Variants in CPNE5 observed in about 807,000 individuals in gnomAD.
CPNE5 encodes copine-5.
CPNE5 carries 42 observed loss-of-function variants against 81.1 expected under a neutral mutation model. That is an observed-to-expected ratio of 0.52 (90% confidence interval 0.40 to 0.67). The LOEUF is 0.67. Ranked by LOEUF, CPNE5 falls within the 30% of genes least tolerant of loss-of-function variation. CPNE5 has a pLI of 0.00. For synonymous variants in CPNE5, 313 were observed against 321.5 expected, an observed-to-expected ratio of 0.97 and a Z score of 0.28; for missense variants, 612 against 815.5, an observed-to-expected ratio of 0.75 and a Z score of 3.04.
chr6:36,813,241 C>CT (rs1456571079), intron 3 of CPNE5, among the ~76,000 whole-genome samples: 5 of 152,316 alleles, frequency 3.3e-5, no homozygotes, highest in African/African-American at 1.2e-4. Context: ...GCTTAAAACC[C>CT]TTAAATAGGC....
At chr6:36,777,270 A>C (rs1767593360) in intron 9 of CPNE5, among the ~76,000 whole-genome samples, 2 of 148,124 alleles carry the variant, frequency 1.4e-5, no homozygotes, top group African/African-American at 2.5e-5. Flanking sequence ...CTTCCCCTGC[A>C]TTTCCACGGC....
At chr6:36,792,001 C>T (rs1266931589) in intron 8 of CPNE5, 32 bp downstream of exon 8, 1 of 1,602,842 alleles carries the variant, frequency 6.2e-7, no homozygotes, top group African/African-American at 1.3e-5. Flanking sequence ...CCACCCCAAC[C>T]ACGTCCTGTG....
Position 36,745,041 on chromosome 6 carries a change from T to C in CPNE5, c.1431+7A>G. 6.2e-7 allele frequency: 1 copy of C among 1,607,924 alleles called. No homozygotes were observed. Among genetic ancestry groups the C allele is most frequent in the South Asian group, 1.1e-5 (1 of 90,970 alleles). ...ACCGCCTCCCCCACCGCACACTCCTTGCTTACGTTGACAATGGCCTCCTTG... is the reference window on the plus strand; with the variant it reads ...ACCGCCTCCCCCACCGCACACTCCTCGCTTACGTTGACAATGGCCTCCTTG... On this transcript the variant is annotated splice_region_variant and intron_variant, in intron 18 of 20. Coordinates refer to ENST00000244751, the MANE Select transcript of CPNE5 (RefSeq NM_020939.2).
At chr6:36,830,843 C>T (rs192147599) in intron 1 of CPNE5, among the ~76,000 whole-genome samples, 1 of 152,204 alleles carries the variant, frequency 6.6e-6, no homozygotes, top group Non-Finnish European at 1.5e-5. Context: ...TTCCCTTATT[C>T]CCCCTCCTGT....
Position 36,778,974 on chromosome 6 carries a change from A to G in CPNE5, c.529-17T>C. 6.5e-7 allele frequency: 1 copy of G among 1,549,022 alleles called. No homozygotes were observed. The highest frequency in any genetic ancestry group is 8.9e-7 in the Non-Finnish European group (1 of 1,122,792). On this transcript the variant is annotated splice_polypyrimidine_tract_variant and intron_variant, in intron 8 of 20. Coordinates refer to ENST00000244751, the MANE Select transcript of CPNE5 (RefSeq NM_020939.2). ...GGCGACATCCTGGTGGGAGGGAGGG[A>G]GAACGGGGTGTGAGGCAGGAGAAAG...
intron 11 of CPNE5, among the ~76,000 whole-genome samples, chr6:36,764,585 G>A (rs541313097): frequency 6.5e-4 from 99 of 152,200 alleles, no homozygotes; most frequent in African/African-American, 2.1e-3. Flanking sequence ...TGGCTCAGCC[G>A]ACAAGTAGAA....
chr6:36,773,216 T>C (rs1272580851), intron 10 of CPNE5, among the ~76,000 whole-genome samples: 1 of 151,954 alleles, frequency 6.6e-6, no homozygotes, highest in Non-Finnish European at 1.5e-5. Flanking sequence ...CCTGTCGGAG[T>C]GGCCCAGAGG....
intron 1 of CPNE5, among the ~76,000 whole-genome samples, chr6:36,823,902 AGAG>A: frequency 6.6e-6 from 1 of 152,240 alleles, no homozygotes; most frequent in Admixed American, 6.5e-5. Flanking sequence ...AGTGGAGGGG[AGAG>A]GAGGGGAGGA....
chr6:36,746,082 A>G lies in CPNE5; in HGVS notation c.1200+314T>C. Reference sequence around the variant, plus strand: ...GACTCAGGGATACCCAACCCACACCACCTTGTTCACTTTTCTGGGGCCCTG... The same window carrying G: ...GACTCAGGGATACCCAACCCACACCGCCTTGTTCACTTTTCTGGGGCCCTG... On this transcript the variant is annotated intron_variant, in intron 16 of 20. Coordinates refer to ENST00000244751, the MANE Select transcript of CPNE5 (RefSeq NM_020939.2). The surrounding 1 kb of genome is among the most constrained non-coding windows in gnomAD (Gnocchi z 4.5). The G allele has an allele frequency of 1.2e-6, 1 of 807,260 alleles. No homozygotes were observed. Among genetic ancestry groups the G allele is most frequent in the Non-Finnish European group, 1.5e-6 (1 of 667,682 alleles). 50.0% of individuals were successfully genotyped at this position (807,260 alleles called of 1,614,324 possible). A position where few individuals can be genotyped will look rare whatever the true frequency, so the allele number is the denominator to read the frequency against.
At chr6:36,771,428 G>GCAT (rs1363796210) in intron 10 of CPNE5, among the ~76,000 whole-genome samples, 1 of 152,240 alleles carries the variant, frequency 6.6e-6, no homozygotes, top group East Asian at 1.9e-4. Context: ...AATGTGGCTA[G>GCAT]CATCAGCACC....
chr6:36,784,626 C>T (rs559878874), intron 8 of CPNE5, among the ~76,000 whole-genome samples: 10 of 152,274 alleles, frequency 6.6e-5, no homozygotes, highest in South Asian at 6.2e-4. Context: ...GCCTGAGAGT[C>T]GTGCTCTCTG....
intron 12 of CPNE5, among the ~76,000 whole-genome samples, chr6:36,762,271 TACAC>T (rs1294685726): frequency 2.1e-5 from 3 of 140,938 alleles, no homozygotes; most frequent in African/African-American, 8.0e-5. Flanking sequence ...TGCACACGCA[TACAC>T]ACACACGCAC....
chr6:36,818,045 C>T (rs561916632), intron 3 of CPNE5, among the ~76,000 whole-genome samples: 180 of 152,244 alleles, frequency 1.2e-3, no homozygotes, highest in Non-Finnish European at 2.3e-3. Flanking sequence ...ACCTGAAACC[C>T]AGCTCAACTC....
Position 36,800,025 on chromosome 6 carries a change from C to T in CPNE5, c.229G>A (p.Val77Met), listed in dbSNP as rs143066740. 132 of 1,614,088 alleles carry T rather than the reference C, an allele frequency of 8.2e-5. No homozygotes were observed. The highest frequency in any genetic ancestry group is 5.7e-4 in the Admixed American group (34 of 60,012). ...AAGTAATCCACAATGAACTTGCGCA[C>T]GAAGTCAGGATTGAGCGTGTTGTCG... ...VIDNTLNPDF[V>M]RKFIVDYFFE... The change falls in exon 4 of 21, where the codon GTG becomes ATG. Residue 77 changes from valine (V) to methionine (M), a missense_variant. Transcript: ENST00000244751.
chr6:36,829,741 A>G (rs1772816812), intron 1 of CPNE5, among the ~76,000 whole-genome samples: 1 of 144,112 alleles, frequency 6.9e-6, no homozygotes, highest in African/African-American at 2.6e-5. Context: ...TGAACCCGGG[A>G]AGCAGAGGTT....
chr6:36,819,656 T>G (rs1000453036), intron 3 of CPNE5, among the ~76,000 whole-genome samples: 56 of 152,356 alleles, frequency 3.7e-4, no homozygotes, highest in African/African-American at 1.3e-3. Flanking sequence ...CTCCTCACCC[T>G]CAGGCTCTTG....
intron 1 of CPNE5, among the ~76,000 whole-genome samples, chr6:36,823,640 C>T (rs1227588652): frequency 3.3e-5 from 5 of 152,170 alleles, no homozygotes; most frequent in African/African-American, 1.2e-4. Context: ...AAGACCAGGG[C>T]TAACACATGG....
At chr6:36,798,613 T>G in intron 4 of CPNE5, 119 bp from the exon 5 acceptor site, 1 of 814,502 alleles carries the variant, frequency 1.2e-6, no homozygotes, top group South Asian at 1.4e-5. Flanking sequence ...ACACAGTGAA[T>G]ATTTCTAGGA....
chr6:36,788,604 C>T lies in CPNE5; in HGVS notation c.528+3429G>A, dbSNP rs865776358. Among the ~76,000 whole-genome samples, 68 of 122,696 alleles carry T rather than the reference C, an allele frequency of 5.5e-4. 1 individual carries two copies. The highest frequency in any genetic ancestry group is 2.8e-3 in the Admixed American group (35 of 12,680). The allele number at this position is 122,696 out of a possible 152,430, so 80.5% of individuals were successfully genotyped here. A position where few individuals can be genotyped will look rare whatever the true frequency, so the allele number is the denominator to read the frequency against. On this transcript the variant is annotated intron_variant, in intron 8 of 20. Coordinates refer to ENST00000244751, the MANE Select transcript of CPNE5 (RefSeq NM_020939.2). ...CAAATAAGACTAAATAAGAGGGTCT[C>T]GGTAAACCAATGTTGGCCAGTATTA...
Sources: gnomAD v4.1 joint callset for allele counts (sites outside exome capture counted in the v4.1 genomes callset) on GRCh38, gnomAD v4.1.1 for gene constraint, Gnocchi (gnomAD v3.1) non-coding constraint, MANE v1.5 for transcripts, NCBI Gene and HGNC (gene_info 2026-07-23, HGNC 2026-07-21) for gene names.